The following ARSG variants were observed in gnomAD, a reference collection of about 807,000 sequenced individuals.
The protein encoded by ARSG is arylsulfatase G.
Under a neutral mutation model 50.5 loss-of-function variants are expected in ARSG, and 37 were observed. The ratio of observed to expected loss-of-function variants is 0.73; its 90% CI spans 0.56 to 0.96. The LOEUF (loss-of-function observed/expected upper bound fraction) is 0.96, where lower values mean the gene tolerates loss of function less well. ARSG is among the 50% of genes least tolerant of loss of function. The pLI, the probability that ARSG is intolerant of heterozygous loss-of-function variation, is 0.00. For missense variants in ARSG, 629 were observed against 675.3 expected, an observed-to-expected ratio of 0.93 and a Z score of 0.76; for synonymous variants, 225 against 254.6, an observed-to-expected ratio of 0.88 and a Z score of 1.11.
At chr17:68,284,871 A>G (rs1473982126) in intron 1 of ARSG, among the ~76,000 whole-genome samples, 1 of 152,214 alleles carries the variant, frequency 6.6e-6, no homozygotes, top group Non-Finnish European at 1.5e-5. Flanking sequence ...GTGTGTTGAT[A>G]TGTCATAAAT....
At chr17:68,292,823 A>G (rs1460168014) in intron 1 of ARSG, among the ~76,000 whole-genome samples, 43 of 152,164 alleles carry the variant, frequency 2.8e-4, no homozygotes, top group Non-Finnish European at 1.2e-4. Context: ...GGTGCCTTGT[A>G]TGGCCAGTAG....
At chr17:68,283,522 GA>G (rs368039909) in intron 1 of ARSG, among the ~76,000 whole-genome samples, 138 of 112,118 alleles carry the variant, frequency 1.2e-3, no homozygotes, top group Admixed American at 1.8e-3. Context: ...CTCCGTATCA[GA>G]AAAAAAAAAA....
chr17:68,320,581 G>A (rs1385457826), intron 2 of ARSG, among the ~76,000 whole-genome samples: 1 of 152,200 alleles, frequency 6.6e-6, no homozygotes, highest in African/African-American at 2.4e-5. Context: ...AGTTGAGTAT[G>A]GCAGGGCTGG....
At chr17:68,260,524 G>A (rs1555745005) in intron 1 of ARSG, among the ~76,000 whole-genome samples, 1 of 152,196 alleles carries the variant, frequency 6.6e-6, no homozygotes, top group East Asian at 1.9e-4. Context: ...GTCTTGCTCT[G>A]TTGCCCAGGC....
At chr17:68,388,259 G>T (rs1426627550) in intron 9 of ARSG, among the ~76,000 whole-genome samples, 1 of 152,180 alleles carries the variant, frequency 6.6e-6, no homozygotes, top group Non-Finnish European at 1.5e-5. Flanking sequence ...CAACCGTGGC[G>T]TGGTCGGCAT....
At chr17:68,374,221 T>G (rs992660277) in intron 8 of ARSG, among the ~76,000 whole-genome samples, 3 of 151,952 alleles carry the variant, frequency 2.0e-5, no homozygotes, top group African/African-American at 4.8e-5. Flanking sequence ...AGTGGTTTGT[T>G]GCATTAGCTG....
intron 11 of ARSG, chr17:68,413,684 T>C: frequency 6.3e-6 from 1 of 158,614 alleles, no homozygotes; most frequent in Non-Finnish European, 1.4e-5. Context: ...TAATCAAGCC[T>C]GGGCAATGGC....
chr17:68,265,308 A>G (rs1406101998), intron 1 of ARSG, among the ~76,000 whole-genome samples: 2 of 152,008 alleles, frequency 1.3e-5, no homozygotes, highest in Admixed American at 1.3e-4. Context: ...AGCCTGGCCA[A>G]CATGGCAAAA....
At chr17:68,296,047 G>A (rs1331858586) in intron 1 of ARSG, among the ~76,000 whole-genome samples, 1 of 152,110 alleles carries the variant, frequency 6.6e-6, no homozygotes, top group African/African-American at 2.4e-5. Flanking sequence ...ACTTCAGCCT[G>A]GGCAACAGAG....
chr17:68,407,927 C>G (rs1459311175), intron 11 of ARSG, among the ~76,000 whole-genome samples: 3 of 151,662 alleles, frequency 2.0e-5, no homozygotes, highest in African/African-American at 7.3e-5. Flanking sequence ...GGAGTGGTGA[C>G]AGTGGGCATC....
At position 68,413,744 on chromosome 17, in the gene ARSG, T is replaced by C. The variant is rs564419331; in HGVS notation, c.1304-6445T>C. 257 of 159,806 alleles carry C rather than the reference T, an allele frequency of 1.6e-3. 2 individuals are homozygous for C. Among genetic ancestry groups the C allele is most frequent in the African/African-American group, 5.7e-3 (238 of 41,646 alleles). The allele number at this position is 159,806 out of a possible 1,614,324, so 9.9% of individuals were successfully genotyped here. ...GCCGCCTTGCAGTTTGATCTCAGAC[T>C]GCTGTGCTAGCAATCAGCGAGACTC... On this transcript the variant is annotated intron_variant, in intron 11 of 11. Transcript: ENST00000621439.
chr17:68,351,821 G>T (rs1374403916), intron 5 of ARSG, 135 bp downstream of exon 5: 2 of 640,390 alleles, frequency 3.1e-6, no homozygotes, highest in African/African-American at 1.8e-5. Flanking sequence ...TACATTCTGT[G>T]CAAATTTAAA....
chr17:68,346,693 T>G, intron 3 of ARSG: 3 of 1,209,384 alleles, frequency 2.5e-6, no homozygotes, highest in Non-Finnish European at 3.2e-6. Context: ...AGGAAGATGA[T>G]GAAACCAGGC....
At chr17:68,273,383 T>A (rs2075406939) in intron 1 of ARSG, among the ~76,000 whole-genome samples, 1 of 152,020 alleles carries the variant, frequency 6.6e-6, no homozygotes, top group African/African-American at 2.4e-5. Flanking sequence ...CCACCACGCT[T>A]GGCTAGTTTT....
intron 9 of ARSG, among the ~76,000 whole-genome samples, chr17:68,392,024 A>AT (rs1165855110): frequency 7.2e-5 from 11 of 152,312 alleles, no homozygotes; most frequent in Non-Finnish European, 1.3e-4. Context: ...GAGGGCGGAT[A>AT]TCCCCCCAGC....
upstream of ARSG, chr17:68,291,342 G>A (rs1285996129): frequency 6.7e-6 from 1 of 149,082 alleles, no homozygotes; most frequent in Non-Finnish European, 1.5e-5. Context: ...GGCCGTGCGT[G>A]CTGCCGCCCG....
At chr17:68,333,650 A>G (rs2146079444) in intron 2 of ARSG, among the ~76,000 whole-genome samples, 1 of 148,120 alleles carries the variant, frequency 6.8e-6, no homozygotes, top group East Asian at 2.0e-4. Context: ...TAATAATAAT[A>G]ATAATAATAA....
chr17:68,333,491 G>A (rs1430775067), intron 2 of ARSG, among the ~76,000 whole-genome samples: 1 of 151,860 alleles, frequency 6.6e-6, no homozygotes, highest in Non-Finnish European at 1.5e-5. Flanking sequence ...AGCCGAGCAT[G>A]GTGGTGTACG....
downstream of ARSG, among the ~76,000 whole-genome samples, chr17:68,426,452 C>T (rs191710992): frequency 4.6e-5 from 7 of 152,258 alleles, 1 homozygote; most frequent in East Asian, 3.9e-4. Flanking sequence ...AGGCTGGTCT[C>T]GAACTCCTGA....
Sources: gnomAD v4.1 joint callset for allele counts (sites outside exome capture counted in the v4.1 genomes callset) on GRCh38, gnomAD v4.1.1 for gene constraint, MANE v1.5 for transcripts, NCBI Gene and HGNC (gene_info 2026-07-23, HGNC 2026-07-21) for gene names.